The following FBRSL1 variants were observed in gnomAD, a reference collection of about 807,000 sequenced individuals.
FBRSL1 encodes the protein fibrosin-1-like protein.
In FBRSL1, 51 loss-of-function variants were observed where a neutral mutation model predicts 89.6. The observed-to-expected ratio is 0.57, with a 90% CI of 0.45 to 0.72. The LOEUF is 0.72. Ranked by LOEUF, FBRSL1 falls within the 30% of genes least tolerant of loss-of-function variation. The pLI, the probability that FBRSL1 is intolerant of heterozygous loss-of-function variation, is 0.00. For missense variants in FBRSL1, 1,618 were observed against 1,451.8 expected (o/e 1.11, Z -1.86); for synonymous variants, 779 against 681.1 (o/e 1.14, Z -2.24).
chr12:132,581,955 T>C, intron 17 of FBRSL1, 107 bp from the exon 18 acceptor site: 1 of 1,290,310 alleles, frequency 7.8e-7, no homozygotes. Flanking sequence ...GGGCACCCCC[T>C]TCTCAGTGTC....
In FBRSL1 at chr12:132,570,191, C is replaced by G; in HGVS notation, c.957C>G (p.Gly319=). 1 of 1,505,606 alleles carries G rather than the reference C, an allele frequency of 6.6e-7. No individual in the cohort carries two copies. The highest frequency in any genetic ancestry group is 8.8e-7 in the Non-Finnish European group (1 of 1,135,418). 93.3% of individuals were successfully genotyped at this position (1,505,606 alleles called of 1,614,324 possible). A position where few individuals can be genotyped will look rare whatever the true frequency, so the allele number is the denominator to read the frequency against. ...LLPTHVPASL[G]AFAGHSQAAA... is the part of the protein sequence containing the mutation. ...CGACACACGTGCCTGCATCCCTGGG[C>G]GCCTTCGCGGGCCACAGCCAGGCGG... Residue 319 remains glycine, a synonymous_variant, in exon 7 of 19, where the codon GGC becomes GGG. Transcript: ENST00000680143.
intron 5 of FBRSL1, among the ~76,000 whole-genome samples, chr12:132,564,433 G>A (rs1205824827): frequency 1.3e-5 from 2 of 152,116 alleles, no homozygotes; most frequent in African/African-American, 4.8e-5. Flanking sequence ...CAGCACCAGT[G>A]CCCCTCTGGG....
intron 8 of FBRSL1, 96 bp from the exon 9 acceptor site, chr12:132,570,972 G>T: frequency 1.2e-6 from 1 of 833,258 alleles, no homozygotes; most frequent in Non-Finnish European, 1.4e-6. Context: ...GGCTGGGGAC[G>T]GCCCCGTGTC....
intron 2 of FBRSL1, among the ~76,000 whole-genome samples, chr12:132,512,360 A>G (rs2034442136): frequency 6.6e-6 from 1 of 152,250 alleles, no homozygotes; most frequent in Admixed American, 6.5e-5. Context: ...TCCTCTGCAC[A>G]GCCTGTCAGG....
intron 2 of FBRSL1, chr12:132,510,833 A>G: frequency 1.5e-5 from 16 of 1,085,276 alleles, no homozygotes; most frequent in Non-Finnish European, 1.8e-5. Context: ...GGGGCCCCTC[A>G]GCGTCTTTCT....
chr12:132,504,709 G>C (rs2033463535), intron 1 of FBRSL1, among the ~76,000 whole-genome samples: 1 of 152,180 alleles, frequency 6.6e-6, no homozygotes, highest in Non-Finnish European at 1.5e-5. Flanking sequence ...GGCTGGGCTG[G>C]GTGGTGGGTG....
chr12:132,548,146 TC>T (rs2037854964), intron 5 of FBRSL1, 114 bp downstream of exon 5: 9 of 1,313,470 alleles, frequency 6.9e-6, no homozygotes, highest in Non-Finnish European at 7.4e-6. Flanking sequence ...CTTGGGGGGA[TC>T]CCCCCGCCCG....
Position 132,583,129 on chromosome 12 carries a change from C to T in FBRSL1, c.2360C>T (p.Ser787Phe), listed in dbSNP as rs1184025381. The change falls in exon 19 of 19, where the codon TCC becomes TTC. Residue 787 changes from serine to phenylalanine, a missense_variant. Physicochemically the swap from Ser to Phe is radical, Grantham distance 155. Transcript: ENST00000680143. ...GAACCTCGGGTCAAGGAGAGCCGCT[C>T]CCCGGCCAAGGAGGAGGCCGCCAAG... Reference protein sequence around the residue: ...EAEPRVKESRSPAKEEAAKMP... With the variant: ...EAEPRVKESRFPAKEEAAKMP... 5 of 1,462,372 alleles carry T rather than the reference C, an allele frequency of 3.4e-6. No homozygotes were observed. The African/African-American group carries it at 4.4e-5, about 13-fold the overall frequency. 90.6% of individuals were successfully genotyped at this position (1,462,372 alleles called of 1,614,324 possible).
At chr12:132,541,575 G>A (rs2037274913) in intron 4 of FBRSL1, among the ~76,000 whole-genome samples, 1 of 152,236 alleles carries the variant, frequency 6.6e-6, no homozygotes. Flanking sequence ...ACATGGTGGA[G>A]GGGTGCGGAT....
intron 3 of FBRSL1, among the ~76,000 whole-genome samples, chr12:132,526,283 G>A (rs1224620653): frequency 1.3e-5 from 2 of 152,208 alleles, no homozygotes; most frequent in African/African-American, 4.8e-5. Context: ...GGAACTTGAG[G>A]CATCTCATTA....
intron 4 of FBRSL1, among the ~76,000 whole-genome samples, chr12:132,536,389 G>A (rs1449512844): frequency 2.0e-5 from 3 of 151,378 alleles, no homozygotes; most frequent in African/African-American, 7.3e-5. Context: ...TGTGCCATGT[G>A]TACATGACAA....
intron 1 of FBRSL1, among the ~76,000 whole-genome samples, chr12:132,505,842 G>A (rs977072570): frequency 1.3e-5 from 2 of 152,236 alleles, no homozygotes; most frequent in African/African-American, 2.4e-5. Context: ...CCAGGCCTGG[G>A]TACCTTTCCC....
chr12:132,508,329 C>T lies in FBRSL1; in HGVS notation c.468C>T (p.Val156=). 2.0e-6 allele frequency: 3 copies of T among 1,534,592 alleles called. No individual in the cohort carries two copies. The highest frequency in any genetic ancestry group is 2.6e-6 in the Non-Finnish European group (3 of 1,140,128). Reference sequence around the variant, plus strand: ...CCGCCTGCGATGGGGCGAGAAAGGTCCCACTGCAGCCCTCCAAGCAGGTGA... The same window carrying T: ...CCGCCTGCGATGGGGCGAGAAAGGTTCCACTGCAGCCCTCCAAGCAGGTGA... ...LEPACDGARK[V]PLQPSKQMKV... is the part of the protein sequence containing the mutation. The change falls in exon 2 of 19, where the codon GTC becomes GTT. Residue 156 remains valine (V), a synonymous_variant. Coordinates refer to ENST00000680143, the MANE Select transcript of FBRSL1 (RefSeq NM_001367871.1).
At chr12:132,544,240 G>A (rs115507730) in intron 4 of FBRSL1, among the ~76,000 whole-genome samples, 3,606 of 152,284 alleles carry the variant, frequency 0.024, 134 homozygotes, top group African/African-American at 0.082. Flanking sequence ...GGTCACGAGG[G>A]CCATTATTGG....
At chr12:132,562,422 G>T (rs560464043) in intron 5 of FBRSL1, among the ~76,000 whole-genome samples, 1 of 152,232 alleles carries the variant, frequency 6.6e-6, no homozygotes, top group East Asian at 1.9e-4. Context: ...GCTTCCATCC[G>T]ACCCGGCCCC....
rs2041006529 is a variant in FBRSL1, at chr12:132,584,537, T to C, written c.*759T>C. 6.6e-6 allele frequency: 1 copy of C among 152,208 alleles called. No homozygotes were observed. Among genetic ancestry groups the C allele is most frequent in the African/African-American group, 2.4e-5 (1 of 41,454 alleles). The allele number at this position is 152,208 out of a possible 1,614,324, so 9.4% of individuals were successfully genotyped here. The stretch of plus-strand genomic sequence containing the variant: ...ATCAGAAGTTTAATGGCAGCAACTT[T>C]CCTTCAACTATGCAAGCGCTTCCCG... On this transcript the variant is annotated 3_prime_UTR_variant, in exon 19 of 19. Transcript: ENST00000680143.
chr12:132,582,669 G>T (rs2040857491), intron 18 of FBRSL1, among the ~76,000 whole-genome samples: 1 of 152,120 alleles, frequency 6.6e-6, no homozygotes. Flanking sequence ...TTTGAGGGAG[G>T]AGTTCGGGGG....
chr12:132,575,012 C>A (rs555784975), intron 14 of FBRSL1, among the ~76,000 whole-genome samples: 44 of 152,108 alleles, frequency 2.9e-4, no homozygotes, highest in African/African-American at 1.1e-3. Context: ...GGGAGCCCCG[C>A]GGGCAGCTCG....
intron 2 of FBRSL1, among the ~76,000 whole-genome samples, chr12:132,514,128 C>T (rs1346873398): frequency 6.6e-6 from 1 of 152,208 alleles, no homozygotes; most frequent in Non-Finnish European, 1.5e-5. Flanking sequence ...TCTGTTCTCG[C>T]GTCAGGGCTC....
Sources: allele counts gnomAD v4.1 joint callset (sites outside exome capture counted in the v4.1 genomes callset), GRCh38; gene constraint gnomAD v4.1.1; transcripts MANE v1.5; gene names NCBI Gene and HGNC (gene_info 2026-07-23, HGNC 2026-07-21).